Variants in MOB4 observed in about 807,000 individuals in gnomAD.
The protein encoded by MOB4 is MOB-like protein phocein.
In MOB4, 4 loss-of-function variants were observed where a neutral mutation model predicts 32.2. The ratio of observed to expected loss-of-function variants is 0.12; its 90% CI spans 0.06 to 0.28. The LOEUF (loss-of-function observed/expected upper bound fraction) is 0.28, where lower values mean the gene tolerates loss of function less well. MOB4 is among the 10% of genes least tolerant of loss of function. The probability of loss-of-function intolerance (pLI) is 1.00; values close to 1 mark genes in which losing one functional copy is unlikely to be tolerated. For synonymous variants in MOB4, 88 were observed against 88.1 expected (o/e 1.00, Z 0.01); for missense variants, 158 against 271.2 (o/e 0.58, Z 2.93).
intron 1 of MOB4, 139 bp downstream of exon 1, chr2:197,516,285 G>A: frequency 1.4e-6 from 2 of 1,449,644 alleles, no homozygotes; most frequent in Non-Finnish European, 1.8e-6. Flanking sequence ...CTGCTCTTCC[G>A]GAGCTGCAGC....
chr2:197,516,073 T>A lies in MOB4; in HGVS notation c.-14T>A. On this transcript the variant is annotated 5_prime_UTR_variant, in exon 1 of 8. Transcript: ENST00000323303. ...CATCCGGGTACCGACTCCAGCCGCCTAGACGCTGGCACTATGGTCATGGCG... is the reference window on the plus strand; with the variant it reads ...CATCCGGGTACCGACTCCAGCCGCCAAGACGCTGGCACTATGGTCATGGCG... The A allele has an allele frequency of 1.3e-6, 2 of 1,584,710 alleles. No homozygotes were observed. Among genetic ancestry groups the A allele is most frequent in the Non-Finnish European group, 8.6e-7 (1 of 1,166,520 alleles).
intron 5 of MOB4, among the ~76,000 whole-genome samples, chr2:197,541,746 C>T (rs991918825): frequency 6.6e-6 from 1 of 151,902 alleles, no homozygotes; most frequent in African/African-American, 2.4e-5. Context: ...GGTGAAACCC[C>T]GTCTCTATTA....
intron 3 of MOB4, 136 bp downstream of exon 3, chr2:197,535,766 G>A: frequency 3.3e-6 from 3 of 920,970 alleles, no homozygotes; most frequent in Non-Finnish European, 4.9e-6. Flanking sequence ...CATTTTCAGT[G>A]TCACAAGGTT....
intron 3 of MOB4, among the ~76,000 whole-genome samples, chr2:197,537,495 T>C (rs537103591): frequency 4.6e-5 from 7 of 152,206 alleles, no homozygotes; most frequent in Non-Finnish European, 1.0e-4. Context: ...TTTAAAAATA[T>C]TTACTTTTTG....
chr2:197,516,227 G>A, intron 1 of MOB4, 81 bp downstream of exon 1: 4 of 1,530,210 alleles, frequency 2.6e-6, no homozygotes, highest in Non-Finnish European at 3.5e-6. Context: ...ACTGCGGGGA[G>A]GTTGGGCCGA....
At chr2:197,549,576 T>C (rs1024577265) in intron 6 of MOB4, among the ~76,000 whole-genome samples, 2 of 152,128 alleles carry the variant, frequency 1.3e-5, no homozygotes, top group Non-Finnish European at 2.9e-5. Flanking sequence ...TTTTTCTATA[T>C]GGAGTCTTGC....
Position 197,538,566 on chromosome 2 carries a change from C to T in MOB4, c.225-1545C>T, listed in dbSNP as rs75372210. Among the ~76,000 whole-genome samples, 1,390 of 152,152 alleles carry T rather than the reference C, an allele frequency of 9.1e-3. 33 individuals carry two copies. The highest frequency in any genetic ancestry group is 0.031 in the African/African-American group (1,279 of 41,520). ...TTAGGAAAAAGTACTCCTTTATGTC[C>T]GGATACATGCGTGGTGACTGGAATG... On this transcript the variant is annotated intron_variant, in intron 3 of 7. Coordinates refer to ENST00000323303, the MANE Select transcript of MOB4 (RefSeq NM_015387.5).
chr2:197,551,548 T>C lies in MOB4; in HGVS notation c.*902T>C, dbSNP rs2087098107. 6.5e-6 allele frequency: 1 copy of C among 152,792 alleles called. No individual in the cohort carries two copies. The highest frequency in any genetic ancestry group is 2.4e-5 in the African/African-American group (1 of 41,458). The allele number at this position is 152,792 out of a possible 1,614,324, so 9.5% of individuals were successfully genotyped here. On this transcript the variant is annotated 3_prime_UTR_variant, in exon 8 of 8. Coordinates refer to ENST00000323303, the MANE Select transcript of MOB4 (RefSeq NM_015387.5). ...TGCTTATCTTTGTTTTGCAAAATTG[T>C]TCTACTTAGAAAACAGTCCTTAAAA...
chr2:197,520,149 A>T (rs1222009107), intron 1 of MOB4, among the ~76,000 whole-genome samples: 2 of 150,922 alleles, frequency 1.3e-5, no homozygotes, highest in African/African-American at 2.4e-5. Flanking sequence ...TTTACTATAT[A>T]TGCATTATAT....
intron 1 of MOB4, among the ~76,000 whole-genome samples, chr2:197,521,823 C>G (rs1191648400): frequency 6.6e-6 from 1 of 152,192 alleles, no homozygotes; most frequent in Non-Finnish European, 1.5e-5. Flanking sequence ...TTATCCTGTT[C>G]TTTTTCCAAG....
chr2:197,549,313 A>T lies in MOB4; in HGVS notation c.434+898A>T, dbSNP rs115289841. On this transcript the variant is annotated intron_variant, in intron 6 of 7. Coordinates refer to ENST00000323303, the MANE Select transcript of MOB4 (RefSeq NM_015387.5). ...TTTTTAAGATCTGAGAAGTCTGTACATGTAATATATTATCGGTGAAGTTTG... is the reference window on the plus strand; with the variant it reads ...TTTTTAAGATCTGAGAAGTCTGTACTTGTAATATATTATCGGTGAAGTTTG... 2.2e-3 allele frequency among the ~76,000 whole-genome samples: 329 copies of T among 152,204 alleles called. 2 individuals are homozygous for T. The highest frequency in any genetic ancestry group is 7.5e-3 in the African/African-American group (313 of 41,544).
intron 2 of MOB4, among the ~76,000 whole-genome samples, chr2:197,525,077 G>A (rs951637246): frequency 5.3e-5 from 8 of 152,168 alleles, no homozygotes; most frequent in African/African-American, 1.7e-4. Flanking sequence ...CGGGTGCGGT[G>A]GCTCACGCCT....
At chr2:197,525,759 T>C (rs925741700) in intron 2 of MOB4, among the ~76,000 whole-genome samples, 6 of 152,044 alleles carry the variant, frequency 3.9e-5, no homozygotes, top group Non-Finnish European at 7.4e-5. Flanking sequence ...CAAATATTTA[T>C]TGGCTTCTCA....
Position 197,548,426 on chromosome 2 carries a change from C to T in MOB4, c.434+11C>T, listed in dbSNP as rs1402674205. On this transcript the variant is annotated intron_variant, in intron 6 of 7. Transcript: ENST00000323303. The stretch of plus-strand genomic sequence containing the variant: ...ATATTTTCCCAGCAGGTAATCGAAA[C>T]TTTTAAACATAGTGTTAAACATTTT... 4.0e-6 allele frequency: 6 copies of T among 1,482,540 alleles called. No individual in the cohort carries two copies. In the East Asian group the frequency reaches 1.7e-4, roughly 42 times the overall value. The allele number at this position is 1,482,540 out of a possible 1,614,324, so 91.8% of individuals were successfully genotyped here.
intron 5 of MOB4, among the ~76,000 whole-genome samples, chr2:197,540,744 T>G (rs1174346303): frequency 6.6e-6 from 1 of 152,236 alleles, no homozygotes; most frequent in African/African-American, 2.4e-5. Context: ...TGTTTAGGTT[T>G]TTGTTCAGAT....
intron 2 of MOB4, among the ~76,000 whole-genome samples, chr2:197,535,099 T>C (rs1053231470): frequency 3.3e-5 from 5 of 152,062 alleles, no homozygotes; most frequent in African/African-American, 1.2e-4. Flanking sequence ...GGCGTGTGCC[T>C]GTAGTCCCAG....
intron 5 of MOB4, among the ~76,000 whole-genome samples, chr2:197,547,868 T>C (rs1302781216): frequency 6.6e-6 from 1 of 152,218 alleles, no homozygotes; most frequent in Non-Finnish European, 1.5e-5. Flanking sequence ...TTCTGATAAA[T>C]GGAACAGAAT....
Position 197,523,176 on chromosome 2 carries a change from G to T in MOB4, c.61-448G>T, listed in dbSNP as rs111826686. Among the ~76,000 whole-genome samples, 39 of 151,860 alleles carry T rather than the reference G, an allele frequency of 2.6e-4. 2 individuals carry two copies. Among genetic ancestry groups the T allele is most frequent in the African/African-American group, 9.2e-4 (38 of 41,392 alleles). ...ACCATCATAAAAAAGTGATAGACTT[G>T]TCTCCCCAATTAAGTAATACATTAA... On this transcript the variant is annotated intron_variant, in intron 1 of 7. Coordinates refer to ENST00000323303, the MANE Select transcript of MOB4 (RefSeq NM_015387.5).
intron 2 of MOB4, among the ~76,000 whole-genome samples, chr2:197,532,858 G>T (rs1248498850): frequency 1.3e-5 from 2 of 152,144 alleles, no homozygotes; most frequent in Admixed American, 6.6e-5. Flanking sequence ...CAGCACTTTG[G>T]GAAGCTGAGG....
Sources: gnomAD v4.1 joint callset for allele counts (sites outside exome capture counted in the v4.1 genomes callset) on GRCh38, gnomAD v4.1.1 for gene constraint, MANE v1.5 for transcripts, NCBI Gene and HGNC (gene_info 2026-07-23, HGNC 2026-07-21) for gene names.